The following MGAT4A variants were observed in gnomAD, a reference collection of about 807,000 sequenced individuals.
MGAT4A encodes the protein N-acetylglucosaminyltransferase IVa.
A neutral mutation model predicts 74.1 loss-of-function variants in MGAT4A; 33 were observed. The ratio of observed to expected loss-of-function variants is 0.45; its 90% CI spans 0.34 to 0.60. The LOEUF (loss-of-function observed/expected upper bound fraction) is 0.60, where lower values mean the gene tolerates loss of function less well. Among genes scored for constraint, MGAT4A ranks in the 20% least tolerant of loss-of-function variants. The pLI is 0.02. For synonymous variants in MGAT4A, 198 were observed against 210.4 expected (o/e 0.94, Z 0.51); for missense variants, 479 against 628.3 (o/e 0.76, Z 2.54).
rs1701065656 is a variant in MGAT4A at position 98,621,846 on chromosome 2, AACAC to A, written c.*3716_*3719del. 9.8e-7 allele frequency: 1 copy of A among 1,024,072 alleles called. No individual in the cohort carries two copies. Among genetic ancestry groups the A allele is most frequent in the Non-Finnish European group, 1.2e-6 (1 of 854,778 alleles). 63.4% of individuals were successfully genotyped at this position (1,024,072 alleles called of 1,614,324 possible). A position where few individuals can be genotyped will look rare whatever the true frequency, so the allele number is the denominator to read the frequency against. ...TTTTGCTTATAGTTTTAAAAATAAC[AACAC>A]CTTCTAATTATTGACTAGTGCAACC... On this transcript the variant is annotated 3_prime_UTR_variant, in exon 16 of 16. Transcript: ENST00000393487.
At chr2:98,678,948 T>C (rs1218157359) in intron 2 of MGAT4A, among the ~76,000 whole-genome samples, 1 of 152,134 alleles carries the variant, frequency 6.6e-6, no homozygotes, top group Non-Finnish European at 1.5e-5. Flanking sequence ...TAGACCAAAC[T>C]TTTCCTCTGA....
chr2:98,643,608 C>G (rs1161403882), intron 10 of MGAT4A, among the ~76,000 whole-genome samples: 1 of 152,150 alleles, frequency 6.6e-6, no homozygotes, highest in Admixed American at 6.5e-5. Flanking sequence ...AGAAAACAAA[C>G]TGAAATGGTA....
At chr2:98,667,670 T>C (rs997406961) in intron 4 of MGAT4A, among the ~76,000 whole-genome samples, 8 of 152,050 alleles carry the variant, frequency 5.3e-5, no homozygotes, top group African/African-American at 1.7e-4. Context: ...AAGAGGTGAC[T>C]TGGGTGCTGT....
At chr2:98,700,680 C>T (rs1702342657) in intron 2 of MGAT4A, among the ~76,000 whole-genome samples, 2 of 152,188 alleles carry the variant, frequency 1.3e-5, no homozygotes, top group South Asian at 4.2e-4. Context: ...TACCTGAGGT[C>T]AGCAGTTTGA....
At chr2:98,698,079 T>C (rs1277029957) in intron 2 of MGAT4A, among the ~76,000 whole-genome samples, 3 of 152,230 alleles carry the variant, frequency 2.0e-5, no homozygotes, top group Non-Finnish European at 4.4e-5. Context: ...AAACTGATAT[T>C]TGCATTTGAT....
intron 14 of MGAT4A, among the ~76,000 whole-genome samples, chr2:98,628,566 C>G (rs1701179859): frequency 6.6e-6 from 1 of 152,134 alleles, no homozygotes; most frequent in Admixed American, 6.5e-5. Context: ...ATATTCCATT[C>G]TAAAGTTTCT....
At chr2:98,651,439 G>A (rs1701577079) in intron 8 of MGAT4A, among the ~76,000 whole-genome samples, 2 of 152,178 alleles carry the variant, frequency 1.3e-5, no homozygotes, top group South Asian at 4.1e-4. Flanking sequence ...AAAATAGAGT[G>A]CAGGGGAGAC....
At chr2:98,646,091 T>C (rs1439667954) in intron 8 of MGAT4A, among the ~76,000 whole-genome samples, 5 of 152,020 alleles carry the variant, frequency 3.3e-5, no homozygotes, top group African/African-American at 1.2e-4. Flanking sequence ...TAAAAGAAAA[T>C]AAATACACGT....
chr2:98,724,459 T>G (rs1376929261), intron 2 of MGAT4A, among the ~76,000 whole-genome samples: 2 of 152,212 alleles, frequency 1.3e-5, no homozygotes, highest in African/African-American at 4.8e-5. Flanking sequence ...CAGAAACCTG[T>G]GTTGATACCT....
At chr2:98,658,603 T>C (rs1701695750) in intron 5 of MGAT4A, among the ~76,000 whole-genome samples, 1 of 152,224 alleles carries the variant, frequency 6.6e-6, no homozygotes, top group Non-Finnish European at 1.5e-5. Context: ...AAGATTTTTC[T>C]ACTTGGAATC....
intron 2 of MGAT4A, among the ~76,000 whole-genome samples, chr2:98,719,882 G>C (rs1468824349): frequency 1.3e-5 from 2 of 152,076 alleles, no homozygotes; most frequent in Non-Finnish European, 2.9e-5. Context: ...CCTGACCTCA[G>C]GCGATCCACC....
intron 3 of MGAT4A, among the ~76,000 whole-genome samples, chr2:98,675,480 T>C (rs1486758842): frequency 6.6e-6 from 1 of 152,126 alleles, no homozygotes; most frequent in Non-Finnish European, 1.5e-5. Flanking sequence ...CCAAACAGAC[T>C]CTAAATATAC....
chr2:98,669,485 T>G (rs760979128), intron 4 of MGAT4A, among the ~76,000 whole-genome samples: 3 of 152,180 alleles, frequency 2.0e-5, no homozygotes, highest in Non-Finnish European at 2.9e-5. Context: ...AATTGCCCAG[T>G]CTCAGTATGT....
At chr2:98,663,522 C>A (rs564578912) in intron 4 of MGAT4A, 1 of 1,271,104 alleles carries the variant, frequency 7.9e-7, no homozygotes. Context: ...TCTTATCTCT[C>A]GACTTCAAGC....
intron 2 of MGAT4A, among the ~76,000 whole-genome samples, chr2:98,679,405 C>CAA (rs753919040): frequency 0.041 from 1,333 of 32,184 alleles, 81 homozygotes; most frequent in African/African-American, 0.098. Flanking sequence ...GACTCCGTCT[C>CAA]AAAAAAAAAA....
chr2:98,664,258 A>G (rs1437898716), intron 4 of MGAT4A, among the ~76,000 whole-genome samples: 1 of 149,866 alleles, frequency 6.7e-6, no homozygotes, highest in Non-Finnish European at 1.5e-5. Context: ...CTATTTGTGC[A>G]ACATTTTTAA....
chr2:98,706,797 C>T (rs1251264988), intron 2 of MGAT4A, among the ~76,000 whole-genome samples: 1 of 150,944 alleles, frequency 6.6e-6, no homozygotes, highest in South Asian at 2.1e-4. Context: ...GAGTACACAA[C>T]ATGATGTGGT....
At chr2:98,682,442 A>C (rs907078619) in intron 2 of MGAT4A, among the ~76,000 whole-genome samples, 1 of 151,172 alleles carries the variant, frequency 6.6e-6, no homozygotes, top group Non-Finnish European at 1.5e-5. Context: ...AAAAAAAAAA[A>C]AAAAACCACC....
In MGAT4A at chr2:98,623,034, G is replaced by A. The variant is rs72825710; in HGVS notation, c.*2532C>T. 0.16 allele frequency: 159,698 copies of A among 985,138 alleles called. 13,166 individuals carry two copies. The highest frequency in any genetic ancestry group is 0.25 in the African/African-American group (14,222 of 57,214). The allele number at this position is 985,138 out of a possible 1,614,324, so 61.0% of individuals were successfully genotyped here. A position where few individuals can be genotyped will look rare whatever the true frequency, so the allele number is the denominator to read the frequency against. ...CCCTGTCTCAAAAATAATACAAAAT[G>A]ATAAAAAGAGAAAGAGGAGGGCAGG... is the stretch of plus-strand genomic sequence containing the variant. On this transcript the variant is annotated 3_prime_UTR_variant, in exon 16 of 16. Transcript: ENST00000393487.
Sources: gnomAD v4.1 joint callset for allele counts (sites outside exome capture counted in the v4.1 genomes callset) on GRCh38, gnomAD v4.1.1 for gene constraint, MANE v1.5 for transcripts, NCBI Gene and HGNC (gene_info 2026-07-23, HGNC 2026-07-21) for gene names.